The following PTPRO variants were observed in gnomAD, a reference collection of about 807,000 sequenced individuals.
PTPRO encodes the protein protein tyrosine phosphatase receptor type O.
A neutral mutation model predicts 145.2 loss-of-function variants in PTPRO; 62 were observed. The ratio of observed to expected loss-of-function variants is 0.43; its 90% CI spans 0.35 to 0.53. The LOEUF (loss-of-function observed/expected upper bound fraction) is 0.53. PTPRO is among the 20% of genes least tolerant of loss of function. The probability of loss-of-function intolerance (pLI) is 0.01; values close to 1 mark genes in which losing one functional copy is unlikely to be tolerated. For synonymous variants in PTPRO, 565 were observed against 514.7 expected (o/e 1.10, Z -1.32); for missense variants, 1,345 against 1,482.7 (o/e 0.91, Z 1.53).
At chr12:15,489,629 T>A (rs1297420187) in intron 2 of PTPRO, among the ~76,000 whole-genome samples, 1 of 152,156 alleles carries the variant, frequency 6.6e-6, no homozygotes, top group East Asian at 1.9e-4. Flanking sequence ...CAGAGGTCAG[T>A]CTCATAGCCA....
rs1214227014 is a variant in PTPRO at position 15,524,823 on chromosome 12, C to T, written c.1901C>T (p.Ala634Val). 6.2e-7 allele frequency: 1 copy of T among 1,613,158 alleles called. No individual in the cohort carries two copies. Among genetic ancestry groups the T allele is most frequent in the Non-Finnish European group, 8.5e-7 (1 of 1,179,156 alleles). ...CGTTTCTCCCTTGTAGCCCCAGTGG[C>T]TCCGGAAATCACTTCTGTGGAATAT... ...STISFITAPV[A>V]PEITSVEYFN... Residue 634 changes from alanine to valine, a missense_variant, in exon 11 of 27, where the codon GCT (alanine) becomes GTT (valine). Around this residue, in one of 3 missense-constraint regions of PTPRO, gnomAD observed 1,130 missense variants for 1,214.7 expected, o/e 0.93. Coordinates refer to ENST00000281171, the MANE Select transcript of PTPRO (RefSeq NM_030667.3).
chr12:15,359,399 T>TG (rs1189030138), intron 1 of PTPRO, among the ~76,000 whole-genome samples: 5 of 151,286 alleles, frequency 3.3e-5, no homozygotes, highest in African/African-American at 1.2e-4. Context: ...TCTTGTGCAT[T>TG]GGTCTACTTT....
At chr12:15,422,378 A>C (rs1591797583) in intron 1 of PTPRO, among the ~76,000 whole-genome samples, 1 of 152,178 alleles carries the variant, frequency 6.6e-6, no homozygotes, top group African/African-American at 2.4e-5. Context: ...TTGGTACAAA[A>C]ATGACTTTAT....
chr12:15,520,796 G>A (rs761232635), intron 10 of PTPRO, among the ~76,000 whole-genome samples: 11 of 152,186 alleles, frequency 7.2e-5, no homozygotes, highest in Admixed American at 1.3e-4. Context: ...TAGACCCTCC[G>A]CATACCACAT....
At chr12:15,448,338 G>GAAAAAAAAAAAAAA (rs1565635275) in intron 1 of PTPRO, among the ~76,000 whole-genome samples, 2 of 3,866 alleles carry the variant, frequency 5.2e-4, no homozygotes, top group Non-Finnish European at 7.2e-3. Context: ...CCTGTTCCTA[G>GAAAAAAAAAAAAAA]TAAAAAAAAA....
chr12:15,390,509 A>T (rs1198308454), intron 1 of PTPRO, among the ~76,000 whole-genome samples: 3 of 152,138 alleles, frequency 2.0e-5, no homozygotes, highest in East Asian at 1.9e-4. Flanking sequence ...CATGGGAAAG[A>T]CCTGCCACCT....
chr12:15,493,817 G>A (rs191972558), intron 2 of PTPRO, among the ~76,000 whole-genome samples: 75 of 152,220 alleles, frequency 4.9e-4, no homozygotes, highest in South Asian at 2.1e-4. Context: ...GCGACATGCC[G>A]CAAACATTTA....
At chr12:15,470,845 A>T (rs553201488) in intron 1 of PTPRO, among the ~76,000 whole-genome samples, 2 of 152,332 alleles carry the variant, frequency 1.3e-5, no homozygotes, top group African/African-American at 4.8e-5. Flanking sequence ...AGTGCAAGGA[A>T]TTCAAGGGCT....
intron 17 of PTPRO, chr12:15,565,380 T>C: frequency 2.2e-6 from 1 of 444,606 alleles, no homozygotes; most frequent in Non-Finnish European, 4.1e-6. Flanking sequence ...AGTGCAGATA[T>C]GTTCATGCAA....
intron 1 of PTPRO, among the ~76,000 whole-genome samples, chr12:15,349,513 A>T (rs191566537): frequency 6.6e-6 from 1 of 152,228 alleles, no homozygotes; most frequent in Non-Finnish European, 1.5e-5. Flanking sequence ...TCTGTTTTAT[A>T]ATAGCCCCCA....
In PTPRO at chr12:15,383,526, C is replaced by T. The variant is rs369467906; in HGVS notation, c.75+60725C>T. Among the ~76,000 whole-genome samples the T allele has an allele frequency of 7.9e-5, 12 of 152,186 alleles. No individual in the cohort carries two copies. The East Asian group carries it at 1.9e-3, about 24-fold the overall frequency. On this transcript the variant is annotated intron_variant, in intron 1 of 26. Transcript: ENST00000281171. Reference sequence around the variant, plus strand: ...AATATTTGAAGAGGTTGATTCTAAGCCAAATATGAGAACCAGGGCTTATGA... The same window carrying T: ...AATATTTGAAGAGGTTGATTCTAAGTCAAATATGAGAACCAGGGCTTATGA...
At chr12:15,354,409 C>G (rs1937917978) in intron 1 of PTPRO, among the ~76,000 whole-genome samples, 1 of 152,134 alleles carries the variant, frequency 6.6e-6, no homozygotes, top group African/African-American at 2.4e-5. Flanking sequence ...CCTTATCTTT[C>G]TTAGTGCTTC....
chr12:15,432,751 CAGTGATGCTG>C (rs1193002345), intron 1 of PTPRO, among the ~76,000 whole-genome samples: 2 of 152,188 alleles, frequency 1.3e-5, no homozygotes, highest in Non-Finnish European at 2.9e-5. Context: ...CTCTAATAAT[CAGTGATGCTG>C]AGCTTTTTTC....
At chr12:15,410,566 T>C (rs1939771799) in intron 1 of PTPRO, 1 of 152,232 alleles carries the variant, frequency 6.6e-6, no homozygotes, top group African/African-American at 2.4e-5. Flanking sequence ...TCACTTGACC[T>C]TCCTGCATGT....
intron 23 of PTPRO, among the ~76,000 whole-genome samples, chr12:15,586,555 A>G (rs1038497001): frequency 6.6e-6 from 1 of 152,200 alleles, no homozygotes; most frequent in Non-Finnish European, 1.5e-5. Flanking sequence ...AGTGTATCTA[A>G]AGGGCACCAA....
chr12:15,486,064 A>G (rs1941879937), intron 2 of PTPRO, among the ~76,000 whole-genome samples: 1 of 152,130 alleles, frequency 6.6e-6, no homozygotes, highest in African/African-American at 2.4e-5. Context: ...GGTCACGTTG[A>G]TTGTTCAAGT....
chr12:15,582,956 C>G (rs1944352746), intron 23 of PTPRO, among the ~76,000 whole-genome samples: 1 of 152,172 alleles, frequency 6.6e-6, no homozygotes, highest in African/African-American at 2.4e-5. Context: ...TGCCATTGAC[C>G]TCAGCCTATA....
intron 1 of PTPRO, among the ~76,000 whole-genome samples, chr12:15,404,607 G>A (rs1194779415): frequency 5.3e-5 from 8 of 152,080 alleles, no homozygotes. Flanking sequence ...ACGGCATGAA[G>A]GCTGTTCAGT....
chr12:15,349,966 T>C (rs1004988582), intron 1 of PTPRO, among the ~76,000 whole-genome samples: 1 of 152,208 alleles, frequency 6.6e-6, no homozygotes, highest in African/African-American at 2.4e-5. Context: ...GAATAAAAGT[T>C]AAGCTTCGGA....
Sources: gnomAD v4.1 joint callset for allele counts (sites outside exome capture counted in the v4.1 genomes callset) on GRCh38, gnomAD v4.1.1 for gene constraint, gnomAD v4.1.1 regional missense constraint, MANE v1.5 for transcripts, NCBI Gene and HGNC (gene_info 2026-07-23, HGNC 2026-07-21) for gene names.